The following RFTN2 variants were observed in gnomAD, a reference collection of about 807,000 sequenced individuals.
The protein encoded by RFTN2 is raftlin-2.
RFTN2 carries 34 observed loss-of-function variants against 52.7 expected under a neutral mutation model. The ratio of observed to expected loss-of-function variants is 0.64; its 90% CI spans 0.49 to 0.86. RFTN2 has a LOEUF of 0.86. Among genes scored for constraint, RFTN2 ranks in the 40% least tolerant of loss-of-function variants. The pLI is 0.00. For synonymous variants in RFTN2, 203 were observed against 217.7 expected (o/e 0.93, Z 0.59); for missense variants, 536 against 600.1 (o/e 0.89, Z 1.12).
chr2:197,598,109 G>GT (rs1044682521), intron 7 of RFTN2, among the ~76,000 whole-genome samples: 4 of 152,134 alleles, frequency 2.6e-5, no homozygotes, highest in Non-Finnish European at 5.9e-5. Context: ...GAGCCCAGGA[G>GT]TTTGAGACTA....
intron 7 of RFTN2, among the ~76,000 whole-genome samples, chr2:197,599,045 G>A (rs567627890): frequency 1.3e-5 from 2 of 151,608 alleles, no homozygotes; most frequent in South Asian, 4.2e-4. Flanking sequence ...TCCGCCTCCC[G>A]GGTTCACGCC....
chr2:197,641,819 A>C (rs1169749728), intron 3 of RFTN2, among the ~76,000 whole-genome samples: 1 of 152,216 alleles, frequency 6.6e-6, no homozygotes, highest in African/African-American at 2.4e-5. Context: ...AGCAATGCTC[A>C]AATATTTCAT....
At chr2:197,589,219 CAAAAAAAAAAAAA>C (rs35798927) in intron 8 of RFTN2, among the ~76,000 whole-genome samples, 42 of 33,552 alleles carry the variant, frequency 1.3e-3, no homozygotes, top group Admixed American at 3.2e-3. Flanking sequence ...GACTCTGTCT[CAAAAAAAAAAAAA>C]AAAAAAAAAA....
At chr2:197,638,758 A>T (rs1342939480) in intron 3 of RFTN2, among the ~76,000 whole-genome samples, 1 of 122,006 alleles carries the variant, frequency 8.2e-6, no homozygotes, top group Non-Finnish European at 1.7e-5. Flanking sequence ...TAATATTGTT[A>T]TGTGTGAATT....
chr2:197,625,904 G>T (rs958237973), intron 5 of RFTN2, among the ~76,000 whole-genome samples: 1 of 151,598 alleles, frequency 6.6e-6, no homozygotes, highest in East Asian at 1.9e-4. Context: ...AGATTTTCCT[G>T]TCTCAGCTTC....
intron 3 of RFTN2, among the ~76,000 whole-genome samples, chr2:197,635,423 A>G (rs1383893510): frequency 0.017 from 2,566 of 152,204 alleles, 70 homozygotes; most frequent in African/African-American, 0.058. Flanking sequence ...TTTAATGATC[A>G]CCATTCTAAC....
intron 8 of RFTN2, among the ~76,000 whole-genome samples, chr2:197,573,419 G>C (rs982848918): frequency 6.6e-6 from 1 of 152,180 alleles, no homozygotes; most frequent in Non-Finnish European, 1.5e-5. Flanking sequence ...GTGGAACTTT[G>C]AACTTGAGAG....
At chr2:197,669,848 A>G (rs980951676) in intron 1 of RFTN2, among the ~76,000 whole-genome samples, 8 of 152,138 alleles carry the variant, frequency 5.3e-5, no homozygotes, top group Admixed American at 4.6e-4. Flanking sequence ...AATAGCCAGC[A>G]CTTCAGAAGC....
intron 8 of RFTN2, among the ~76,000 whole-genome samples, chr2:197,590,520 T>C (rs1402812605): frequency 1.3e-5 from 2 of 152,228 alleles, no homozygotes; most frequent in Non-Finnish European, 2.9e-5. Flanking sequence ...AACAAGGGCA[T>C]GAAATGGATT....
At chr2:197,622,415 C>T (rs921193388) in intron 5 of RFTN2, among the ~76,000 whole-genome samples, 1 of 152,166 alleles carries the variant, frequency 6.6e-6, no homozygotes, top group African/African-American at 2.4e-5. Flanking sequence ...AAGCAATTCT[C>T]CTGCCTCAGC....
intron 8 of RFTN2, among the ~76,000 whole-genome samples, chr2:197,578,638 T>G (rs1170606577): frequency 6.6e-6 from 1 of 151,986 alleles, no homozygotes; most frequent in Admixed American, 6.6e-5. Flanking sequence ...CCTACCCAAA[T>G]CCTATAAAAC....
chr2:197,667,737 T>C (rs1300451960), intron 1 of RFTN2, among the ~76,000 whole-genome samples: 1 of 152,192 alleles, frequency 6.6e-6, no homozygotes, highest in Non-Finnish European at 1.5e-5. Context: ...CATAGAGGCT[T>C]ACAGTATGGT....
chr2:197,578,399 C>T (rs1016609131), intron 8 of RFTN2, among the ~76,000 whole-genome samples: 6 of 152,086 alleles, frequency 3.9e-5, no homozygotes, highest in South Asian at 2.1e-4. Flanking sequence ...TTTTTTACCA[C>T]GTGACTGTTA....
intron 8 of RFTN2, among the ~76,000 whole-genome samples, chr2:197,580,662 T>C (rs539204516): frequency 6.6e-6 from 1 of 152,300 alleles, no homozygotes; most frequent in South Asian, 2.1e-4. Flanking sequence ...ACAGTGGAAA[T>C]TAAATCCATC....
chr2:197,629,466 G>C (rs535111008), intron 5 of RFTN2, among the ~76,000 whole-genome samples: 1 of 151,858 alleles, frequency 6.6e-6, no homozygotes, highest in Non-Finnish European at 1.5e-5. Flanking sequence ...GATGGGGGAG[G>C]GATAGTATTA....
Position 197,639,528 on chromosome 2 carries a change from G to A in RFTN2, c.438+4630C>T, listed in dbSNP as rs1361547331. On this transcript the variant is annotated intron_variant, in intron 3 of 8. Transcript: ENST00000295049. ...CTGATACCCTTTCTTCCAGTTGATC[G>A]CATTGGCTCCTGAGGCTTCTGCATT... 2.7e-4 allele frequency among the ~76,000 whole-genome samples: 38 copies of A among 138,598 alleles called. No individual in the cohort carries two copies. The South Asian group carries it at 9.1e-3, about 33-fold the overall frequency. The allele number at this position is 138,598 out of a possible 152,430, so 90.9% of individuals were successfully genotyped here. A position where few individuals can be genotyped will look rare whatever the true frequency, so the allele number is the denominator to read the frequency against.
intron 7 of RFTN2, among the ~76,000 whole-genome samples, chr2:197,599,103 C>G (rs944161590): frequency 6.6e-6 from 1 of 152,066 alleles, no homozygotes; most frequent in Non-Finnish European, 1.5e-5. Context: ...AGGCACCCAC[C>G]ACCATGCCCG....
At chr2:197,577,592 A>G (rs1476156262) in intron 8 of RFTN2, among the ~76,000 whole-genome samples, 1 of 152,250 alleles carries the variant, frequency 6.6e-6, no homozygotes, top group Non-Finnish European at 1.5e-5. Flanking sequence ...TTTTGGCTTC[A>G]GATACGGCTG....
chr2:197,594,363 C>T (rs768307241), intron 8 of RFTN2, among the ~76,000 whole-genome samples: 4 of 151,860 alleles, frequency 2.6e-5, no homozygotes, highest in Non-Finnish European at 5.9e-5. Flanking sequence ...GGTCTCACTC[C>T]GTCACCCAGG....
Sources: gnomAD v4.1 joint callset for allele counts (sites outside exome capture counted in the v4.1 genomes callset) on GRCh38, gnomAD v4.1.1 for gene constraint, MANE v1.5 for transcripts, NCBI Gene and HGNC (gene_info 2026-07-23, HGNC 2026-07-21) for gene names.